Variants in EPHA6 observed in about 807,000 individuals in gnomAD.
EPHA6 encodes EPH receptor A6, also known as ephrin type-A receptor 6.
In EPHA6, 50 loss-of-function variants were observed where a neutral mutation model predicts 112.0. The ratio of observed to expected loss-of-function variants is 0.45; its 90% CI spans 0.36 to 0.56. EPHA6 has a LOEUF of 0.56. Ranked by LOEUF, EPHA6 falls within the 20% of genes least tolerant of loss-of-function variation. EPHA6 has a pLI of 0.00. For synonymous variants in EPHA6, 529 were observed against 490.7 expected, an observed-to-expected ratio of 1.08 and a Z score of -1.03; for missense variants, 1,280 against 1,417.4, an observed-to-expected ratio of 0.90 and a Z score of 1.56.
At chr3:97,272,888 A>G (rs1310704756) in intron 5 of EPHA6, among the ~76,000 whole-genome samples, 1 of 152,082 alleles carries the variant, frequency 6.6e-6, no homozygotes, top group Admixed American at 6.6e-5. Flanking sequence ...AATTAATAAT[A>G]AAAAAACGAA....
chr3:97,128,058 T>A (rs577492730), intron 3 of EPHA6, among the ~76,000 whole-genome samples: 318 of 152,202 alleles, frequency 2.1e-3, no homozygotes, highest in African/African-American at 7.3e-3. Context: ...CCACTCTATA[T>A]GTCTTTGCAT....
chr3:96,904,981 A>G (rs2038851119), intron 2 of EPHA6, among the ~76,000 whole-genome samples: 1 of 152,160 alleles, frequency 6.6e-6, no homozygotes, highest in African/African-American at 2.4e-5. Flanking sequence ...AAAAGCAAAT[A>G]TATTCCTGAA....
chr3:96,834,252 G>C (rs978511888), intron 1 of EPHA6, among the ~76,000 whole-genome samples: 5 of 151,900 alleles, frequency 3.3e-5, no homozygotes, highest in African/African-American at 1.2e-4. Flanking sequence ...AAAAATGAAA[G>C]AAAAATGTGA....
chr3:97,193,120 T>A (rs2077351394), intron 3 of EPHA6, among the ~76,000 whole-genome samples: 1 of 152,098 alleles, frequency 6.6e-6, no homozygotes, highest in Non-Finnish European at 1.5e-5. Flanking sequence ...CTCGCTATTC[T>A]AGGTCTTTTG....
At chr3:97,220,345 C>G (rs1384486532) in intron 3 of EPHA6, among the ~76,000 whole-genome samples, 2 of 152,178 alleles carry the variant, frequency 1.3e-5, no homozygotes, top group African/African-American at 2.4e-5. Flanking sequence ...AAAGACGCTT[C>G]CACACTTTTG....
chr3:97,654,743 G>A (rs1217221098), intron 14 of EPHA6, among the ~76,000 whole-genome samples: 1 of 151,904 alleles, frequency 6.6e-6, no homozygotes, highest in Non-Finnish European at 1.5e-5. Flanking sequence ...TTGATACCCT[G>A]AGAGGTAGGG....
At chr3:97,051,319 T>G (rs2045678040) in intron 3 of EPHA6, among the ~76,000 whole-genome samples, 1 of 152,116 alleles carries the variant, frequency 6.6e-6, no homozygotes, top group African/African-American at 2.4e-5. Flanking sequence ...TTATTAAATC[T>G]CCTCCGTAAG....
rs116275045 is a variant in EPHA6 at position 97,452,335 on chromosome 3, C to T, written c.1894+3605C>T. Among the ~76,000 whole-genome samples the T allele has an allele frequency of 8.2e-3, 1,253 of 151,894 alleles. 14 individuals carry two copies. Among genetic ancestry groups the T allele is most frequent in the African/African-American group, 0.027 (1,115 of 41,510 alleles). On this transcript the variant is annotated intron_variant, in intron 7 of 17. Transcript: ENST00000389672. ...CGAAATCTATAAAACAACCTTATTG[C>T]ATATATGTATGTGGAGGTAGAGATA... is the stretch of plus-strand genomic sequence containing the variant.
At chr3:97,611,031 G>A (rs2093715618) in intron 13 of EPHA6, among the ~76,000 whole-genome samples, 177 bp downstream of exon 13, 1 of 151,656 alleles carries the variant, frequency 6.6e-6, no homozygotes, top group African/African-American at 2.4e-5. Context: ...TTACTAAGGG[G>A]GGAGGATGTA....
At chr3:96,970,238 TACACACACACACACAC>T (rs370673260) in intron 2 of EPHA6, among the ~76,000 whole-genome samples, 1 of 143,902 alleles carries the variant, frequency 6.9e-6, no homozygotes. Flanking sequence ...TGCCTCTTCA[TACACACACACACACAC>T]ACACACACAC....
chr3:97,493,138 AAG>A (rs2091893787), intron 10 of EPHA6, among the ~76,000 whole-genome samples: 1 of 152,180 alleles, frequency 6.6e-6, no homozygotes. Flanking sequence ...AAAAGTAAAA[AAG>A]AGTATGGATC....
chr3:96,843,772 C>A (rs2034897723), intron 1 of EPHA6, among the ~76,000 whole-genome samples: 1 of 151,946 alleles, frequency 6.6e-6, no homozygotes, highest in Admixed American at 6.6e-5. Context: ...CATGGAACAG[C>A]CTTTGTTTAT....
rs559061465 is a variant in EPHA6 at position 97,048,881 on chromosome 3, G to C, written c.1114+60888G>C. Among the ~76,000 whole-genome samples the C allele has an allele frequency of 3.9e-5, 6 of 152,242 alleles. No individual in the cohort carries two copies. The East Asian group carries it at 1.2e-3, about 29-fold the overall frequency. ...TGAAGCAATGAAGAGAGAATAGGAA[G>C]TGTGAGATTTGGGGAGCAGGGGGAT... On this transcript the variant is annotated intron_variant, in intron 3 of 17. Transcript: ENST00000389672.
intron 3 of EPHA6, among the ~76,000 whole-genome samples, chr3:97,047,385 A>T (rs1010363299): frequency 1.3e-5 from 2 of 151,312 alleles, no homozygotes; most frequent in Non-Finnish European, 2.9e-5. Flanking sequence ...CTGTGGTCCC[A>T]CCTACTAGGG....
chr3:97,405,195 A>G lies in EPHA6; in HGVS notation c.1652A>G (p.Asn551Ser). The change falls in exon 6 of 18, where the codon AAT becomes AGT. Residue 551 changes from asparagine (N) to serine (S), a missense_variant. Asn to Ser is a conservative substitution (Grantham distance 46). Coordinates refer to ENST00000389672, the MANE Select transcript of EPHA6 (RefSeq NM_001080448.3). ...GVVRKDWASQNSIALSWQAPA... is the reference protein window; with the variant it reads ...GVVRKDWASQSSIALSWQAPA... Reference sequence around the variant, plus strand: ...GTAAGGAAGGACTGGGCATCCCAAAATAGCATTGCCCTATCATGGCAAGCA... The same window carrying G: ...GTAAGGAAGGACTGGGCATCCCAAAGTAGCATTGCCCTATCATGGCAAGCA... 1 of 1,607,438 alleles carries G rather than the reference A, an allele frequency of 6.2e-7. No homozygotes were observed. The highest frequency in any genetic ancestry group is 8.5e-7 in the Non-Finnish European group (1 of 1,176,368).
At chr3:97,217,078 A>C (rs1056149836) in intron 3 of EPHA6, among the ~76,000 whole-genome samples, 9 of 152,184 alleles carry the variant, frequency 5.9e-5, no homozygotes, top group African/African-American at 1.7e-4. Context: ...CCAACTTACT[A>C]TTTAGGGTAA....
intron 2 of EPHA6, among the ~76,000 whole-genome samples, chr3:96,942,314 GC>G (rs1347929861): frequency 6.6e-6 from 1 of 152,162 alleles, no homozygotes; most frequent in Non-Finnish European, 1.5e-5. Flanking sequence ...CTTAGCAATG[GC>G]AGGCACCCCT....
intron 3 of EPHA6, among the ~76,000 whole-genome samples, chr3:97,149,543 G>T (rs1187515038): frequency 6.6e-6 from 1 of 151,852 alleles, no homozygotes; most frequent in East Asian, 1.9e-4. Context: ...TTGTAGAAAG[G>T]TGTCTCCAAG....
At chr3:97,709,616 A>G (rs987763859) in intron 14 of EPHA6, among the ~76,000 whole-genome samples, 12 of 152,340 alleles carry the variant, frequency 7.9e-5, no homozygotes, top group African/African-American at 2.9e-4. Flanking sequence ...TGAAAAGGAC[A>G]TGAGATTTGG....
Sources: allele counts gnomAD v4.1 joint callset (sites outside exome capture counted in the v4.1 genomes callset), GRCh38; gene constraint gnomAD v4.1.1; transcripts MANE v1.5; gene names NCBI Gene and HGNC (gene_info 2026-07-23, HGNC 2026-07-21).